PDZRN3: variants seen among roughly 807,000 people sequenced by gnomAD.
PDZRN3 encodes PDZ domain containing ring finger 3.
PDZRN3 carries 38 observed loss-of-function variants against 85.7 expected under a neutral mutation model. The observed-to-expected ratio is 0.44, with a 90% CI of 0.34 to 0.58. The LOEUF is 0.58. Among genes scored for constraint, PDZRN3 ranks in the 20% least tolerant of loss-of-function variants. The pLI is 0.01. For missense variants in PDZRN3, 1,629 were observed against 1,506.4 expected, an observed-to-expected ratio of 1.08 and a Z score of -1.35; for synonymous variants, 759 against 638.0, an observed-to-expected ratio of 1.19 and a Z score of -2.86.
intron 3 of PDZRN3, among the ~76,000 whole-genome samples, chr3:73,419,414 T>C (rs1702154905): frequency 6.6e-6 from 1 of 152,120 alleles, no homozygotes; most frequent in Admixed American, 6.5e-5. Flanking sequence ...ACTTGCAGCT[T>C]TGTCTCAGCA....
intron 3 of PDZRN3, among the ~76,000 whole-genome samples, chr3:73,516,742 T>C (rs1704263223): frequency 6.6e-6 from 1 of 152,204 alleles, no homozygotes; most frequent in African/African-American, 2.4e-5. Context: ...GCCAAAATTA[T>C]CCTCAAGTTC....
In PDZRN3 at chr3:73,388,272, G is replaced by C. The variant is rs532604925; in HGVS notation, c.1417-203C>G. 24 of 427,730 alleles carry C rather than the reference G, an allele frequency of 5.6e-5. No individual in the cohort carries two copies. The South Asian group carries it at 1.4e-3, about 25-fold the overall frequency. 26.5% of individuals were successfully genotyped at this position (427,730 alleles called of 1,614,324 possible). On this transcript the variant is annotated intron_variant, in intron 7 of 9. Transcript: ENST00000263666. ...CCAATGCAGTTTCTCTGGTCTATAA[G>C]GGAGCCTCCATGAGTATAGTTCATG...
chr3:73,580,031 C>A (rs759544404), intron 3 of PDZRN3, among the ~76,000 whole-genome samples: 6 of 152,114 alleles, frequency 3.9e-5, no homozygotes, highest in Non-Finnish European at 8.8e-5. Flanking sequence ...TTATTTGGTA[C>A]CTCAGACTCC....
chr3:73,545,701 A>G (rs993474739), intron 3 of PDZRN3, among the ~76,000 whole-genome samples: 1 of 152,226 alleles, frequency 6.6e-6, no homozygotes, highest in African/African-American at 2.4e-5. Context: ...AAAGTACTCA[A>G]AACATGTCAA....
At chr3:73,447,056 T>TAA (rs1482797554) in intron 3 of PDZRN3, among the ~76,000 whole-genome samples, 2 of 145,140 alleles carry the variant, frequency 1.4e-5, no homozygotes, top group Admixed American at 6.9e-5. Flanking sequence ...TATATATATA[T>TAA]AAAGAATTGC....
At chr3:73,477,631 T>C (rs1703483571) in intron 3 of PDZRN3, among the ~76,000 whole-genome samples, 2 of 152,200 alleles carry the variant, frequency 1.3e-5, no homozygotes. Flanking sequence ...TTTAAATTCC[T>C]ATTTAAGGAT....
intron 3 of PDZRN3, among the ~76,000 whole-genome samples, chr3:73,560,874 C>T (rs1028152193): frequency 6.6e-6 from 1 of 152,130 alleles, no homozygotes; most frequent in Non-Finnish European, 1.5e-5. Flanking sequence ...AGTCACGGCT[C>T]GTGCACATGA....
chr3:73,411,238 G>A (rs543418040), intron 3 of PDZRN3, among the ~76,000 whole-genome samples: 1 of 152,340 alleles, frequency 6.6e-6, no homozygotes, highest in South Asian at 2.1e-4. Flanking sequence ...CTCTGGCCAA[G>A]CTCTCCTGCT....
chr3:73,388,096 A>G, intron 7 of PDZRN3, 27 bp from the exon 8 acceptor site: 1 of 1,006,882 alleles, frequency 9.9e-7, no homozygotes, highest in Non-Finnish European at 1.5e-6. Flanking sequence ...GGGGGTGGGG[A>G]GAGTGGGGAG....
rs181020790 is a variant in PDZRN3, at chr3:73,507,466, G to A, written c.918+94888C>T. 8.5e-4 allele frequency among the ~76,000 whole-genome samples: 130 copies of A among 152,252 alleles called. 1 individual carries two copies. Among genetic ancestry groups the A allele is most frequent in the South Asian group, 3.3e-3 (16 of 4,822 alleles). On this transcript the variant is annotated intron_variant, in intron 3 of 9. Transcript: ENST00000263666. ...ATTACAGGCGTGAGCCACCGTGCCC[G>A]GCCATTTCATTCTCATTTTCTACCA...
At chr3:73,549,668 T>C (rs1034383403) in intron 3 of PDZRN3, among the ~76,000 whole-genome samples, 6 of 152,120 alleles carry the variant, frequency 3.9e-5, no homozygotes, top group African/African-American at 1.4e-4. Context: ...GAAAGAGAAA[T>C]GTAGGGCGTG....
intron 3 of PDZRN3, among the ~76,000 whole-genome samples, chr3:73,545,767 C>T (rs1240756336): frequency 6.6e-6 from 1 of 152,174 alleles, no homozygotes; most frequent in Non-Finnish European, 1.5e-5. Context: ...GATGAAAATG[C>T]TTTTCCCTCA....
intron 3 of PDZRN3, among the ~76,000 whole-genome samples, chr3:73,545,345 G>A (rs1359300809): frequency 6.6e-6 from 1 of 152,210 alleles, no homozygotes; most frequent in Non-Finnish European, 1.5e-5. Context: ...ACTCTTTGGG[G>A]AAGGGAGGAT....
At chr3:73,600,238 G>T (rs961381381) in intron 3 of PDZRN3, among the ~76,000 whole-genome samples, 1 of 150,394 alleles carries the variant, frequency 6.6e-6, no homozygotes, top group Admixed American at 6.6e-5. Context: ...GTGGTGGTTT[G>T]CCCATTCCCC....
chr3:73,467,354 C>T (rs1170559988), intron 3 of PDZRN3, among the ~76,000 whole-genome samples: 1 of 152,312 alleles, frequency 6.6e-6, no homozygotes, highest in East Asian at 1.9e-4. Context: ...TTTCAGTATA[C>T]TCAATGACAC....
chr3:73,538,327 G>GT (rs1339589006), intron 3 of PDZRN3, among the ~76,000 whole-genome samples: 2 of 152,200 alleles, frequency 1.3e-5, no homozygotes, highest in Non-Finnish European at 2.9e-5. Flanking sequence ...GTACACTGTG[G>GT]TTGTCTCATT....
At chr3:73,415,675 T>C (rs1485166104) in intron 3 of PDZRN3, among the ~76,000 whole-genome samples, 1 of 152,224 alleles carries the variant, frequency 6.6e-6, no homozygotes, top group Non-Finnish European at 1.5e-5. Context: ...TTAATGATTT[T>C]GCACAACTGC....
At chr3:73,530,079 A>G (rs1704618516) in intron 3 of PDZRN3, among the ~76,000 whole-genome samples, 1 of 152,194 alleles carries the variant, frequency 6.6e-6, no homozygotes, top group South Asian at 2.1e-4. Flanking sequence ...TTAAACTCTG[A>G]TAACCATTAC....
chr3:73,539,761 A>G (rs142333620), intron 3 of PDZRN3, among the ~76,000 whole-genome samples: 3 of 152,094 alleles, frequency 2.0e-5, no homozygotes, highest in Non-Finnish European at 4.4e-5. Flanking sequence ...GGTTTTTTAC[A>G]CAGCAATAGA....
Sources: allele counts gnomAD v4.1 joint callset (sites outside exome capture counted in the v4.1 genomes callset), GRCh38; gene constraint gnomAD v4.1.1; transcripts MANE v1.5; gene names NCBI Gene and HGNC (gene_info 2026-07-23, HGNC 2026-07-21).